Variants in DLC1 observed in about 807,000 individuals in gnomAD.
DLC1 encodes DLC1 Rho GTPase activating protein.
DLC1 carries 54 observed loss-of-function variants against 140.3 expected under a neutral mutation model. The ratio of observed to expected loss-of-function variants is 0.38; its 90% CI spans 0.31 to 0.48. DLC1 has a LOEUF of 0.48. Ranked by LOEUF, DLC1 falls within the 20% of genes least tolerant of loss-of-function variation. DLC1 has a pLI of 0.96. For synonymous variants in DLC1, 986 were observed against 728.1 expected, an observed-to-expected ratio of 1.35 and a Z score of -5.70; for missense variants, 2,536 against 1,907.0, an observed-to-expected ratio of 1.33 and a Z score of -6.14.
chr8:13,579,421 A>ATT (rs1804990726), intron 1 of DLC1, among the ~76,000 whole-genome samples: 2 of 30,056 alleles, frequency 6.7e-5, no homozygotes, highest in Non-Finnish European at 1.5e-4. Context: ...TATATTTTAT[A>ATT]TTATATATTT....
In DLC1 at chr8:13,381,548, C is replaced by T. The variant is rs550463503; in HGVS notation, c.1314+12005G>A. On this transcript the variant is annotated intron_variant, in intron 4 of 17. Coordinates refer to ENST00000276297, the MANE Select transcript of DLC1 (RefSeq NM_182643.3). ...TCATAAAAGGCGTGGCAGTCTCTGT[C>T]GTTGTCTCTTAGATTTTTCACTCTG... 2.7e-3 allele frequency among the ~76,000 whole-genome samples: 413 copies of T among 152,256 alleles called. 2 individuals are homozygous for T. Among genetic ancestry groups the T allele is most frequent in the African/African-American group, 9.7e-3 (403 of 41,532 alleles).
chr8:13,440,302 C>G lies in DLC1; in HGVS notation c.1024-38683G>C, dbSNP rs531517036. On this transcript the variant is annotated intron_variant, in intron 2 of 17. Transcript: ENST00000276297. ...GTGATTTAATGGTCTCTGGAGACTT[C>G]ATTGGTATTGTATTACCAAGTTTCA... 7.2e-5 allele frequency among the ~76,000 whole-genome samples: 11 copies of G among 152,130 alleles called. No homozygotes were observed. The South Asian group carries it at 1.9e-3, about 26-fold the overall frequency.
At chr8:13,219,400 C>CTTATATATTCATATAA (rs1554473547) in intron 5 of DLC1, among the ~76,000 whole-genome samples, 4 of 144,784 alleles carry the variant, frequency 2.8e-5, no homozygotes, top group African/African-American at 1.0e-4. Context: ...TATAATTATA[C>CTTATATATTCATATAA]TTATATAATT....
chr8:13,531,060 C>T (rs2117306385), intron 1 of DLC1, among the ~76,000 whole-genome samples: 1 of 152,146 alleles, frequency 6.6e-6, no homozygotes, highest in South Asian at 2.1e-4. Context: ...GAGGAGATCC[C>T]AGAGTTCTCC....
rs1304343051 is a variant in DLC1, at chr8:13,185,422, C to G, written c.1349-69765G>C. On this transcript the variant is annotated intron_variant, in intron 5 of 17. Transcript: ENST00000276297. ...TCCTGGGTTCATGCCATTCTCCTGC[C>G]TCAGCCTCCCGACTAGCTGGGACTA... Among the ~76,000 whole-genome samples, 10 of 152,024 alleles carry G rather than the reference C, an allele frequency of 6.6e-5. No individual in the cohort carries two copies. In the East Asian group the frequency reaches 1.9e-3, roughly 30 times the overall value.
At chr8:13,285,419 C>A (rs1358366344) in intron 5 of DLC1, among the ~76,000 whole-genome samples, 1 of 152,106 alleles carries the variant, frequency 6.6e-6, no homozygotes, top group African/African-American at 2.4e-5. Flanking sequence ...AGACCACAGA[C>A]CTAAATGTAG....
At chr8:13,569,873 C>T (rs750374639) in intron 1 of DLC1, among the ~76,000 whole-genome samples, 2 of 152,226 alleles carry the variant, frequency 1.3e-5, no homozygotes, top group South Asian at 2.1e-4. Context: ...AGGTGCGTGC[C>T]GCCACGCCTG....
At chr8:13,589,723 T>C (rs1805452179) in intron 1 of DLC1, among the ~76,000 whole-genome samples, 1 of 151,542 alleles carries the variant, frequency 6.6e-6, no homozygotes. Flanking sequence ...GAAGCTTTCA[T>C]ACACCAGTGG....
chr8:13,522,945 A>G (rs1244659023), intron 1 of DLC1, among the ~76,000 whole-genome samples: 2 of 152,166 alleles, frequency 1.3e-5, no homozygotes, highest in African/African-American at 4.8e-5. Flanking sequence ...TGTGCCTGGC[A>G]GTTTCCAGAA....
intron 4 of DLC1, among the ~76,000 whole-genome samples, chr8:13,374,708 G>T (rs1212151717): frequency 6.6e-6 from 1 of 152,164 alleles, no homozygotes; most frequent in African/African-American, 2.4e-5. Context: ...CTTGAGCCCA[G>T]AAAGTGAAGC....
chr8:13,100,362 T>A lies in DLC1; in HGVS notation c.1975A>T (p.Thr659Ser). ...AGACTGCGCGTCTTGGACTTGGCAG[T>A]TTTTTCGTGGCCTTTCATGCTGAAG... ...FSFSMKGHEK[T>S]AKSKTRSLLK... The change falls in exon 9 of 18, where the codon ACT becomes TCT. Residue 659 changes from threonine (T) to serine (S), a missense_variant. Thr to Ser is a moderately conservative substitution (Grantham distance 58, BLOSUM62 1). Transcript: ENST00000276297. The A allele has an allele frequency of 6.2e-7, 1 of 1,614,176 alleles. No individual in the cohort carries two copies. The highest frequency in any genetic ancestry group is 1.1e-5 in the South Asian group (1 of 91,078).
chr8:13,128,484 G>T (rs574772881), intron 5 of DLC1, among the ~76,000 whole-genome samples: 2 of 152,254 alleles, frequency 1.3e-5, no homozygotes, highest in East Asian at 1.9e-4. Context: ...TAACTATAAG[G>T]CTCCGTAAGG....
chr8:13,537,412 C>T (rs1450189524), intron 1 of DLC1, among the ~76,000 whole-genome samples: 1 of 152,086 alleles, frequency 6.6e-6, no homozygotes, highest in Non-Finnish European at 1.5e-5. Context: ...CATGGTGAAA[C>T]ACTGAAAATG....
intron 5 of DLC1, among the ~76,000 whole-genome samples, chr8:13,273,940 C>G (rs1253885835): frequency 6.6e-6 from 1 of 152,116 alleles, no homozygotes; most frequent in African/African-American, 2.4e-5. Context: ...AACATTCTAG[C>G]TACTATTAAC....
chr8:13,561,911 A>G (rs75763233), intron 1 of DLC1, among the ~76,000 whole-genome samples: 10,980 of 152,296 alleles, frequency 0.072, 517 homozygotes, highest in African/African-American at 0.12. Flanking sequence ...TTACTGACAT[A>G]AAAATTAGAA....
intron 5 of DLC1, among the ~76,000 whole-genome samples, chr8:13,173,327 T>C (rs986268766): frequency 6.6e-6 from 1 of 151,910 alleles, no homozygotes; most frequent in Admixed American, 6.6e-5. Flanking sequence ...TTTTGATGCT[T>C]CTATGGAAAC....
At chr8:13,245,515 C>T (rs1829727562) in intron 5 of DLC1, among the ~76,000 whole-genome samples, 1 of 152,116 alleles carries the variant, frequency 6.6e-6, no homozygotes, top group Admixed American at 6.5e-5. Context: ...TTGGCTCTTC[C>T]TCTCACCCTC....
At chr8:13,503,863 A>G (rs558411680) in intron 1 of DLC1, among the ~76,000 whole-genome samples, 1 of 152,306 alleles carries the variant, frequency 6.6e-6, no homozygotes, top group Non-Finnish European at 1.5e-5. Flanking sequence ...TATCATAGAT[A>G]TCTATCTGTG....
At chr8:13,170,512 T>C (rs556821403) in intron 5 of DLC1, among the ~76,000 whole-genome samples, 2,766 of 152,150 alleles carry the variant, frequency 0.018, 72 homozygotes, top group African/African-American at 0.059. Context: ...GGGCGGATCA[T>C]GAGGTCAGGA....
Sources: allele counts gnomAD v4.1 joint callset (sites outside exome capture counted in the v4.1 genomes callset), GRCh38; gene constraint gnomAD v4.1.1; transcripts MANE v1.5; gene names NCBI Gene and HGNC (gene_info 2026-07-23, HGNC 2026-07-21).